GBE1: variants seen among roughly 807,000 people sequenced by gnomAD.
GBE1 encodes 1,4-alpha-glucan branching enzyme 1.
A neutral mutation model predicts 88.8 loss-of-function variants in GBE1; 70 were observed. The ratio of observed to expected loss-of-function variants is 0.79; its 90% CI spans 0.65 to 0.96. The LOEUF (loss-of-function observed/expected upper bound fraction) is 0.96. GBE1 is among the 40% of genes least tolerant of loss of function. GBE1 has a pLI of 0.00. For missense variants in GBE1, 872 were observed against 871.0 expected, an observed-to-expected ratio of 1.00 and a Z score of -0.01; for synonymous variants, 284 against 300.1, an observed-to-expected ratio of 0.95 and a Z score of 0.56.
At chr3:81,549,016 T>A (rs1239834737) in intron 12 of GBE1, among the ~76,000 whole-genome samples, 1 of 128,372 alleles carries the variant, frequency 7.8e-6, no homozygotes, top group African/African-American at 2.8e-5. Flanking sequence ...ATTTGGAAAC[T>A]ATTTGTGAGT....
chr3:81,499,821 C>CT (rs1278371452), intron 14 of GBE1, among the ~76,000 whole-genome samples: 3 of 152,110 alleles, frequency 2.0e-5, no homozygotes, highest in African/African-American at 7.2e-5. Flanking sequence ...ATAGTATTAG[C>CT]ATATTACAGC....
intron 2 of GBE1, among the ~76,000 whole-genome samples, chr3:81,697,239 T>C (rs758615001): frequency 1.4e-4 from 21 of 152,056 alleles, no homozygotes; most frequent in Non-Finnish European, 2.8e-4. Context: ...ATAAAGGATA[T>C]TGCAAAGGAT....
In GBE1 at chr3:81,648,952, T is replaced by C. The variant is rs1480376594; in HGVS notation, c.595A>G (p.Ile199Val). 3 of 1,587,642 alleles carry C rather than the reference T, an allele frequency of 1.9e-6. No individual in the cohort carries two copies. Among genetic ancestry groups the C allele is most frequent in the Non-Finnish European group, 2.6e-6 (3 of 1,163,320 alleles). ...GAAATTCCCACATGAGATTCATAAATTCTTAGACTCCGTGGCTTCTTTGGT... is the reference window on the plus strand; with the variant it reads ...GAAATTCCCACATGAGATTCATAAACTCTTAGACTCCGTGGCTTCTTTGGT... ...SRPKKPRSLRIYESHVGISSH... is the reference protein window; with the variant it reads ...SRPKKPRSLRVYESHVGISSH... The change falls in exon 5 of 16, where the codon ATT (isoleucine) becomes GTT (valine). Residue 199 changes from isoleucine to valine, a missense_variant. Coordinates refer to ENST00000429644, the MANE Select transcript of GBE1 (RefSeq NM_000158.4).
intron 1 of GBE1, among the ~76,000 whole-genome samples, chr3:81,757,049 A>AT (rs1195353721): frequency 5.3e-5 from 8 of 152,190 alleles, no homozygotes; most frequent in Admixed American, 1.3e-4. Context: ...TTATTCAGTG[A>AT]TTTTTCCAGA....
At position 81,582,223 on chromosome 3, in the gene GBE1, CA is replaced by C. The variant is rs541848184; in HGVS notation, c.1336-949del. 2.6e-5 allele frequency among the ~76,000 whole-genome samples: 4 copies of C among 152,120 alleles called. No homozygotes were observed. The South Asian group carries it at 8.3e-4, about 32-fold the overall frequency. ...GCACCAGAGGGCAGAACGTGGAAGG[CA>C]GAAGAGCAACCATCCATAGATGTTC... On this transcript the variant is annotated intron_variant, in intron 10 of 15. Coordinates refer to ENST00000429644, the MANE Select transcript of GBE1 (RefSeq NM_000158.4).
rs1559658454 is a variant in GBE1 at position 81,600,469 on chromosome 3, TA to T, written c.993-6447del. Among the ~76,000 whole-genome samples the T allele has an allele frequency of 2.0e-5, 3 of 152,178 alleles. 1 individual carries two copies. In the East Asian group the frequency reaches 5.8e-4, roughly 29 times the overall value. On this transcript the variant is annotated intron_variant, in intron 7 of 15. Coordinates refer to ENST00000429644, the MANE Select transcript of GBE1 (RefSeq NM_000158.4). ...TACAGAGATACATACATCTAAACAG[TA>T]TCAGCCTCCCAAAGTGCTGGGATTA...
intron 3 of GBE1, among the ~76,000 whole-genome samples, chr3:81,659,719 C>T (rs1704996058): frequency 6.6e-6 from 1 of 151,960 alleles, no homozygotes; most frequent in Admixed American, 6.6e-5. Flanking sequence ...AAAGAAATAA[C>T]TCAACCCCTA....
At chr3:81,655,092 A>G (rs775429584) in intron 3 of GBE1, 7 of 152,200 alleles carry the variant, frequency 4.6e-5, no homozygotes, top group Non-Finnish European at 1.0e-4. Flanking sequence ...TATTTTAATA[A>G]TAAGTATAGC....
At chr3:81,599,197 T>C (rs917290237) in intron 7 of GBE1, among the ~76,000 whole-genome samples, 2 of 152,324 alleles carry the variant, frequency 1.3e-5, no homozygotes, top group East Asian at 1.9e-4. Flanking sequence ...TTCCAAGTCA[T>C]GTTCTTCTCT....
intron 1 of GBE1, among the ~76,000 whole-genome samples, chr3:81,754,581 CA>C (rs1217730361): frequency 6.8e-6 from 1 of 148,018 alleles, no homozygotes; most frequent in African/African-American, 2.5e-5. Flanking sequence ...AAATGTATTA[CA>C]AAGCTATAGA....
intron 1 of GBE1, among the ~76,000 whole-genome samples, chr3:81,729,695 G>T (rs113289924): frequency 3.2e-3 from 480 of 152,200 alleles, no homozygotes; most frequent in Non-Finnish European, 5.4e-3. Flanking sequence ...GAACACTGAT[G>T]GTCAATTCAG....
intron 7 of GBE1, among the ~76,000 whole-genome samples, chr3:81,610,933 G>A (rs768316666): frequency 6.6e-6 from 1 of 151,646 alleles, no homozygotes; most frequent in Non-Finnish European, 1.5e-5. Flanking sequence ...TTCATCTAGC[G>A]ACCTTCTTTT....
intron 14 of GBE1, among the ~76,000 whole-genome samples, chr3:81,511,959 G>A (rs1702731646): frequency 6.6e-6 from 1 of 151,856 alleles, no homozygotes; most frequent in Admixed American, 6.6e-5. Context: ...GCCCATGAAT[G>A]GTGGATTGGA....
intron 1 of GBE1, among the ~76,000 whole-genome samples, chr3:81,756,631 G>A (rs1281631294): frequency 6.6e-6 from 1 of 152,196 alleles, no homozygotes; most frequent in Non-Finnish European, 1.5e-5. Context: ...CAGAAAAGAA[G>A]AGGGACCCCT....
rs1364827182 is a variant in GBE1, at chr3:81,649,895, C to T, written c.456G>A (p.Glu152=). 1.2e-6 allele frequency: 2 copies of T among 1,609,440 alleles called. No individual in the cohort carries two copies. The highest frequency in any genetic ancestry group is 2.2e-5 in the East Asian group (1 of 44,718). The change falls in exon 4 of 16, where the codon GAG becomes GAA. Residue 152 remains glutamate (E), a synonymous_variant. Transcript: ENST00000429644. ...LKVVITSKSG[E]ILYRISPWAK... ...CCCACGGTGAAATACGATACAAGAT[C>T]TCTCCGCTTTTACTAGTAATAACTA...
Position 81,736,822 on chromosome 3 carries a change from G to A in GBE1, c.143+24553C>T, listed in dbSNP as rs147163142. Among the ~76,000 whole-genome samples, 16 of 152,082 alleles carry A rather than the reference G, an allele frequency of 1.1e-4. 1 individual carries two copies. Among genetic ancestry groups the A allele is most frequent in the African/African-American group, 3.6e-4 (15 of 41,464 alleles). ...CCCATCTAGAGTACTGCCTCTCAAC[G>A]ACTTGAAAATGTAATTGTTACATAC... On this transcript the variant is annotated intron_variant, in intron 1 of 15. Coordinates refer to ENST00000429644, the MANE Select transcript of GBE1 (RefSeq NM_000158.4).
chr3:81,636,183 C>T (rs936109750), intron 7 of GBE1, among the ~76,000 whole-genome samples: 1 of 152,156 alleles, frequency 6.6e-6, no homozygotes, highest in Non-Finnish European at 1.5e-5. Flanking sequence ...CTTTCTTAAT[C>T]TCTTTTACAG....
At chr3:81,617,461 A>G (rs940622551) in intron 7 of GBE1, among the ~76,000 whole-genome samples, 3 of 151,972 alleles carry the variant, frequency 2.0e-5, no homozygotes, top group African/African-American at 7.2e-5. Context: ...TAATTTGGCA[A>G]AATACTTTTT....
chr3:81,680,494 C>CAAAAAAA (rs10711455), intron 2 of GBE1, among the ~76,000 whole-genome samples: 1 of 94,712 alleles, frequency 1.1e-5, no homozygotes. Flanking sequence ...GACTCCGTCT[C>CAAAAAAA]AAAAAAAAAA....
Sources: allele counts gnomAD v4.1 joint callset (sites outside exome capture counted in the v4.1 genomes callset), GRCh38; gene constraint gnomAD v4.1.1; transcripts MANE v1.5; gene names NCBI Gene and HGNC (gene_info 2026-07-23, HGNC 2026-07-21).